The following SPECC1 variants were observed in gnomAD, a reference collection of about 807,000 sequenced individuals.
SPECC1 encodes sperm antigen with calponin homology and coiled-coil domains 1.
In SPECC1, 62 loss-of-function variants were observed where a neutral mutation model predicts 104.1. That is an observed-to-expected ratio of 0.60 (90% CI 0.49 to 0.74). The LOEUF (loss-of-function observed/expected upper bound fraction) is 0.74. Among genes scored for constraint, SPECC1 ranks in the 30% least tolerant of loss-of-function variants. The pLI is 0.00. For synonymous variants in SPECC1, 513 were observed against 501.6 expected, an observed-to-expected ratio of 1.02 and a Z score of -0.30; for missense variants, 1,306 against 1,310.5, an observed-to-expected ratio of 1.00 and a Z score of 0.05.
chr17:20,228,240 T>G (rs985942975), intron 5 of SPECC1, among the ~76,000 whole-genome samples: 1 of 152,216 alleles, frequency 6.6e-6, no homozygotes, highest in Non-Finnish European at 1.5e-5. Flanking sequence ...TCACCCTGGC[T>G]GGAGTGCAGT....
intron 12 of SPECC1, among the ~76,000 whole-genome samples, chr17:20,270,433 C>CAAAAAAAAAAAAAAAA (rs71157863): frequency 2.3e-5 from 1 of 43,550 alleles, no homozygotes; most frequent in Non-Finnish European, 3.9e-5. Flanking sequence ...CTGTCTTTAC[C>CAAAAAAAAAAAAAAAA]AAAAAAAAAA....
At chr17:20,012,239 G>T (rs981685394) in intron 1 of SPECC1, among the ~76,000 whole-genome samples, 6 of 151,978 alleles carry the variant, frequency 3.9e-5, no homozygotes, top group African/African-American at 1.4e-4. Flanking sequence ...TTAGTATATT[G>T]GGTATACAGT....
intron 13 of SPECC1, among the ~76,000 whole-genome samples, chr17:20,298,942 AGAGAGAGT>A (rs1467561023): frequency 2.0e-4 from 9 of 44,582 alleles, no homozygotes; most frequent in African/African-American, 5.6e-4. Flanking sequence ...AGAGAGAGAG[AGAGAGAGT>A]GTGTGTGTGT....
intron 1 of SPECC1, among the ~76,000 whole-genome samples, chr17:20,085,699 A>G (rs1347530124): frequency 6.6e-6 from 1 of 152,270 alleles, no homozygotes; most frequent in African/African-American, 2.4e-5. Flanking sequence ...AATCTCAGGA[A>G]TGCGAGAACA....
chr17:20,279,329 T>C (rs918712773), intron 12 of SPECC1, among the ~76,000 whole-genome samples: 3 of 149,320 alleles, frequency 2.0e-5, no homozygotes, highest in African/African-American at 2.5e-5. Context: ...TTTTCTTTTT[T>C]TTTTTTTTCT....
At chr17:20,065,437 G>A (rs2046325993) in intron 1 of SPECC1, among the ~76,000 whole-genome samples, 1 of 152,144 alleles carries the variant, frequency 6.6e-6, no homozygotes, top group Non-Finnish European at 1.5e-5. Context: ...ACAAAACTCA[G>A]GGCAACACTA....
At position 20,213,383 on chromosome 17, in the gene SPECC1, A is replaced by G. The variant is rs138203740; in HGVS notation, c.1863+7471A>G. ...GTGCTGGGATTGCAGGGGTGAGCCA[A>G]CGTACCCAGAGCTCTTATTATAATC... On this transcript the variant is annotated intron_variant, in intron 4 of 14. Transcript: ENST00000395527. Among the ~76,000 whole-genome samples, 425 of 152,260 alleles carry G rather than the reference A, an allele frequency of 2.8e-3. 2 individuals carry two copies. Among genetic ancestry groups the G allele is most frequent in the African/African-American group, 9.4e-3 (390 of 41,544 alleles).
At chr17:20,019,915 C>A (rs952890913) in intron 1 of SPECC1, among the ~76,000 whole-genome samples, 5 of 152,140 alleles carry the variant, frequency 3.3e-5, no homozygotes, top group African/African-American at 4.8e-5. Flanking sequence ...TTTGTTGCCT[C>A]ATTGTGTATA....
chr17:20,184,039 G>C (rs1322707290), intron 3 of SPECC1, among the ~76,000 whole-genome samples: 43 of 151,690 alleles, frequency 2.8e-4, no homozygotes, highest in Non-Finnish European at 1.5e-5. Flanking sequence ...AAATTAGCCA[G>C]GTGTGGTGGC....
intron 2 of SPECC1, among the ~76,000 whole-genome samples, chr17:20,105,830 G>A (rs967558010): frequency 6.6e-6 from 1 of 152,164 alleles, no homozygotes; most frequent in Non-Finnish European, 1.5e-5. Context: ...TTATGGAAGG[G>A]GGCAGGGCAA....
chr17:20,017,503 A>C (rs2044190960), intron 1 of SPECC1: 1 of 153,148 alleles, frequency 6.5e-6, no homozygotes, highest in African/African-American at 2.4e-5. Flanking sequence ...GCTCACCGCG[A>C]GGGTCCACGG....
intron 1 of SPECC1, among the ~76,000 whole-genome samples, chr17:20,021,703 T>TA (rs1263275894): frequency 1.9e-4 from 19 of 98,794 alleles, no homozygotes; most frequent in African/African-American, 9.3e-4. Flanking sequence ...TATATATATA[T>TA]TTTTTTGTAC....
At chr17:20,072,287 C>A (rs536005633) in intron 1 of SPECC1, among the ~76,000 whole-genome samples, 4 of 152,324 alleles carry the variant, frequency 2.6e-5, no homozygotes, top group South Asian at 2.1e-4. Context: ...AGCCTGAATT[C>A]ATCCTAGACT....
At chr17:20,185,864 GTCTC>G (rs1328290499) in intron 3 of SPECC1, among the ~76,000 whole-genome samples, 26 of 152,240 alleles carry the variant, frequency 1.7e-4, no homozygotes, top group East Asian at 1.4e-3. Flanking sequence ...TTGAGGCAGA[GTCTC>G]TCTGTGTTGC....
At chr17:20,162,253 C>T (rs1382187840) in intron 3 of SPECC1, among the ~76,000 whole-genome samples, 2 of 152,142 alleles carry the variant, frequency 1.3e-5, no homozygotes, top group Non-Finnish European at 2.9e-5. Flanking sequence ...TCACGCCATT[C>T]TCCTGCCTCA....
At position 20,253,490 on chromosome 17, in the gene SPECC1, C is replaced by T. The variant is rs201994771; in HGVS notation, c.2599-15C>T. On this transcript the variant is annotated splice_polypyrimidine_tract_variant and intron_variant, in intron 9 of 14. Transcript: ENST00000395527. Reference sequence around the variant, plus strand: ...TTATGAGCTCACCGTGCTGGTGTCCCCCTGGTTTTTACAGAGGCATTCGAC... The same window carrying T: ...TTATGAGCTCACCGTGCTGGTGTCCTCCTGGTTTTTACAGAGGCATTCGAC... 1 of 1,613,684 alleles carries T rather than the reference C, an allele frequency of 6.2e-7. No homozygotes were observed. The highest frequency in any genetic ancestry group is 2.2e-5 in the East Asian group (1 of 44,880).
chr17:20,258,008 T>C (rs1289052413), intron 11 of SPECC1, among the ~76,000 whole-genome samples: 1 of 152,224 alleles, frequency 6.6e-6, no homozygotes, highest in African/African-American at 2.4e-5. Context: ...GCTGTACATA[T>C]GCATAACAAG....
At chr17:20,185,910 T>G (rs2035242302) in intron 3 of SPECC1, among the ~76,000 whole-genome samples, 1 of 152,238 alleles carries the variant, frequency 6.6e-6, no homozygotes, top group Non-Finnish European at 1.5e-5. Context: ...CGATCTTGGC[T>G]CACTGCAACC....
intron 1 of SPECC1, among the ~76,000 whole-genome samples, chr17:20,063,443 G>T (rs2046257635): frequency 6.6e-6 from 1 of 151,992 alleles, no homozygotes; most frequent in Non-Finnish European, 1.5e-5. Context: ...TTTGCCAGAG[G>T]TTCTATCTTG....
Sources: allele counts gnomAD v4.1 joint callset (sites outside exome capture counted in the v4.1 genomes callset), GRCh38; gene constraint gnomAD v4.1.1; transcripts MANE v1.5; gene names NCBI Gene and HGNC (gene_info 2026-07-23, HGNC 2026-07-21).